ULK4: variants seen among roughly 807,000 people sequenced by gnomAD.
ULK4 encodes unc-51 like kinase 4.
Under a neutral mutation model 160.6 loss-of-function variants are expected in ULK4, and 133 were observed. That is an observed-to-expected ratio of 0.83 (90% confidence interval 0.72 to 0.96). ULK4 has a LOEUF of 0.96. ULK4 is among the 40% of genes least tolerant of loss of function. ULK4 has a pLI of 0.00. For synonymous variants in ULK4, 534 were observed against 539.8 expected (o/e 0.99, Z 0.15); for missense variants, 1,580 against 1,499.5 (o/e 1.05, Z -0.89).
intron 32 of ULK4, among the ~76,000 whole-genome samples, chr3:41,478,840 A>T (rs1246911303): frequency 6.6e-6 from 1 of 152,244 alleles, no homozygotes; most frequent in Non-Finnish European, 1.5e-5. Flanking sequence ...TCAAAACTTA[A>T]GATACAATGT....
In ULK4 at chr3:41,390,189, T is replaced by A. The variant is rs554373769; in HGVS notation, c.3678+7890A>T. On this transcript the variant is annotated intron_variant, in intron 35 of 36. Coordinates refer to ENST00000301831, the MANE Select transcript of ULK4 (RefSeq NM_017886.4). ...TATTTATAGTATTCTCTGATTGTAG[T>A]TTGTATTTCTGTGGGATTGGTGGTG... Among the ~76,000 whole-genome samples, 90 of 152,306 alleles carry A rather than the reference T, an allele frequency of 5.9e-4. 1 individual carries two copies. Among genetic ancestry groups the A allele is most frequent in the African/African-American group, 1.9e-3 (80 of 41,578 alleles).
chr3:41,478,014 C>G (rs1005000086), intron 32 of ULK4, among the ~76,000 whole-genome samples: 2 of 152,222 alleles, frequency 1.3e-5, no homozygotes, highest in Non-Finnish European at 2.9e-5. Flanking sequence ...CAGGCCAATG[C>G]CTTTCAAACC....
intron 17 of ULK4, among the ~76,000 whole-genome samples, chr3:41,864,229 C>T (rs1475071859): frequency 1.3e-5 from 2 of 152,154 alleles, no homozygotes; most frequent in Non-Finnish European, 2.9e-5. Flanking sequence ...TAACAGGACA[C>T]CACTGAGTTC....
In ULK4 at chr3:41,898,475, T is replaced by C. The variant is rs562952372; in HGVS notation, c.1305A>G (p.Pro435=). The stretch of plus-strand genomic sequence containing the variant: ...GCAATATTTTTGCATCAAATTTAAC[T>C]GGTGGCTGTTTCATTATCTGTGGTT... ...IDNPKIMKQP[P]VKFDAKILHL... The change falls in exon 14 of 37, where the codon CCA becomes CCG. Residue 435 remains proline (P), a synonymous_variant. Coordinates refer to ENST00000301831, the MANE Select transcript of ULK4 (RefSeq NM_017886.4). 2.1e-5 allele frequency: 34 copies of C among 1,597,124 alleles called. No homozygotes were observed. The South Asian group carries it at 3.6e-4, about 17-fold the overall frequency.
intron 30 of ULK4, among the ~76,000 whole-genome samples, chr3:41,622,085 G>T (rs1255401863): frequency 6.6e-6 from 1 of 152,158 alleles, no homozygotes; most frequent in Admixed American, 6.5e-5. Context: ...CAGTTGGAAT[G>T]GCAATTATTA....
At chr3:41,596,182 A>G (rs1445671677) in intron 31 of ULK4, among the ~76,000 whole-genome samples, 2 of 152,210 alleles carry the variant, frequency 1.3e-5, no homozygotes, top group Admixed American at 6.5e-5. Flanking sequence ...GGAACACTTC[A>G]TGTCTCAATA....
intron 32 of ULK4, among the ~76,000 whole-genome samples, chr3:41,487,982 A>G (rs1421494993): frequency 2.0e-5 from 3 of 152,208 alleles, no homozygotes; most frequent in Admixed American, 2.0e-4. Context: ...AGAAATACAA[A>G]TGATCAATGA....
chr3:41,788,229 T>G (rs1322980250), intron 21 of ULK4, among the ~76,000 whole-genome samples: 1 of 152,208 alleles, frequency 6.6e-6, no homozygotes, highest in Admixed American at 6.5e-5. Flanking sequence ...TGAGAGTTAT[T>G]CATAATAGTT....
chr3:41,448,303 G>T (rs549639728), intron 34 of ULK4, among the ~76,000 whole-genome samples: 3 of 152,080 alleles, frequency 2.0e-5, no homozygotes, highest in African/African-American at 7.2e-5. Flanking sequence ...GCTTCCTAAA[G>T]TAAGTGACAA....
chr3:41,714,975 A>G (rs1227958197), intron 25 of ULK4, among the ~76,000 whole-genome samples: 1 of 152,218 alleles, frequency 6.6e-6, no homozygotes, highest in African/African-American at 2.4e-5. Context: ...GTTTAATACC[A>G]AAATCTATGA....
chr3:41,850,371 T>A (rs868340639), intron 17 of ULK4, among the ~76,000 whole-genome samples: 3 of 152,106 alleles, frequency 2.0e-5, no homozygotes, highest in Non-Finnish European at 2.9e-5. Context: ...GTTCTAGATC[T>A]CTGAGGAATC....
At chr3:41,330,226 T>C (rs1256687) in intron 35 of ULK4, among the ~76,000 whole-genome samples, 150,908 of 152,308 alleles carry the variant, frequency 0.99, 74,777 homozygotes, top group East Asian at 1. Flanking sequence ...CAGCTTCTAT[T>C]CGCTTGCCTC....
chr3:41,318,553 T>C (rs1432617405), intron 35 of ULK4, among the ~76,000 whole-genome samples: 1 of 152,344 alleles, frequency 6.6e-6, no homozygotes, highest in East Asian at 1.9e-4. Context: ...GTGTTTTGCA[T>C]TGCATCTGCT....
chr3:41,247,979 G>C (rs753047401), intron 36 of ULK4, among the ~76,000 whole-genome samples: 22 of 152,232 alleles, frequency 1.4e-4, no homozygotes, highest in Non-Finnish European at 2.8e-4. Context: ...GTCTGGTGTA[G>C]ACGTTTTAGA....
At chr3:41,580,808 G>A (rs1430626947) in intron 31 of ULK4, among the ~76,000 whole-genome samples, 2 of 152,164 alleles carry the variant, frequency 1.3e-5, no homozygotes, top group Non-Finnish European at 2.9e-5. Flanking sequence ...GTGATCTTCT[G>A]AAGACTCAAG....
chr3:41,702,307 G>A (rs1038832199), intron 27 of ULK4, among the ~76,000 whole-genome samples: 4 of 152,210 alleles, frequency 2.6e-5, no homozygotes, highest in African/African-American at 9.6e-5. Flanking sequence ...ACCACATCCA[G>A]CTAACTTTTG....
intron 18 of ULK4, among the ~76,000 whole-genome samples, chr3:41,827,168 G>A (rs144445541): frequency 0.11 from 12,975 of 120,092 alleles, 2,704 homozygotes; most frequent in African/African-American, 0.34. Context: ...CAGTGTGTAG[G>A]GGGAAATTTA....
intron 17 of ULK4, among the ~76,000 whole-genome samples, chr3:41,867,988 A>G (rs1355280870): frequency 3.9e-5 from 6 of 152,222 alleles, no homozygotes; most frequent in African/African-American, 1.2e-4. Flanking sequence ...AGAACATATT[A>G]TAAATAATTT....
At chr3:41,317,287 G>C (rs867067835) in intron 35 of ULK4, among the ~76,000 whole-genome samples, 1 of 152,044 alleles carries the variant, frequency 6.6e-6, no homozygotes, top group Admixed American at 6.5e-5. Flanking sequence ...TTGTTAGCCA[G>C]GATCGTCTCG....
Sources: allele counts gnomAD v4.1 joint callset (sites outside exome capture counted in the v4.1 genomes callset), GRCh38; gene constraint gnomAD v4.1.1; transcripts MANE v1.5; gene names NCBI Gene and HGNC (gene_info 2026-07-23, HGNC 2026-07-21).